The following PCDH7 variants were observed in gnomAD, a reference collection of about 807,000 sequenced individuals.
PCDH7 encodes the protein protocadherin-7.
In PCDH7, 17 loss-of-function variants were observed where a neutral mutation model predicts 58.9. That is an observed-to-expected ratio of 0.29 (90% confidence interval 0.20 to 0.43). The LOEUF (loss-of-function observed/expected upper bound fraction) is 0.43, where lower values mean the gene tolerates loss of function less well. Ranked by LOEUF, PCDH7 falls within the 20% of genes least tolerant of loss-of-function variation. The pLI, the probability that PCDH7 is intolerant of heterozygous loss-of-function variation, is 1.00. For missense variants in PCDH7, 1,274 were observed against 1,441.0 expected (o/e 0.88, Z 1.88); for synonymous variants, 664 against 616.4 (o/e 1.08, Z -1.14).
At chr4:30,934,600 A>T (rs1745098769) in intron 2 of PCDH7, among the ~76,000 whole-genome samples, 1 of 151,982 alleles carries the variant, frequency 6.6e-6, no homozygotes, top group South Asian at 2.1e-4. Context: ...TCACCATCTC[A>T]TGCACAGTTT....
chr4:30,982,930 T>G (rs1205441440), intron 3 of PCDH7, among the ~76,000 whole-genome samples: 1 of 152,198 alleles, frequency 6.6e-6, no homozygotes, highest in African/African-American at 2.4e-5. Flanking sequence ...AGAAAAATAT[T>G]TCATTGTTTT....
intron 3 of PCDH7, among the ~76,000 whole-genome samples, chr4:31,055,943 A>C (rs13147117): frequency 6.0e-4 from 91 of 152,200 alleles, no homozygotes; most frequent in Non-Finnish European, 1.6e-4. Flanking sequence ...CATCTTTGTC[A>C]AAGAGGAAAT....
Position 30,907,232 on chromosome 4 carries a change from G to A in PCDH7, c.71-12921G>A, listed in dbSNP as rs139023887. On this transcript the variant is annotated intron_variant, in intron 1 of 3. Transcript: ENST00000509759. ...GGAGTTAAAGAAATGGGCTTCCTTG[G>A]CAACAAAAGCCAAAATAGACAAATG... is the stretch of plus-strand genomic sequence containing the variant. Among the ~76,000 whole-genome samples the A allele has an allele frequency of 2.6e-5, 4 of 152,124 alleles. No homozygotes were observed. The East Asian group carries it at 7.7e-4, about 29-fold the overall frequency.
At chr4:30,971,648 A>T (rs1036610801) in intron 3 of PCDH7, among the ~76,000 whole-genome samples, 6 of 152,206 alleles carry the variant, frequency 3.9e-5, no homozygotes, top group African/African-American at 1.4e-4. Flanking sequence ...TTTGACAAGG[A>T]TGCACAGTAA....
At chr4:31,042,068 G>C (rs1015227158) in intron 3 of PCDH7, among the ~76,000 whole-genome samples, 1 of 152,294 alleles carries the variant, frequency 6.6e-6, no homozygotes, top group East Asian at 1.9e-4. Context: ...AAAGTATGCA[G>C]TGAGTTAGGG....
At chr4:30,954,521 T>G in intron 3 of PCDH7, among the ~76,000 whole-genome samples, 1 of 152,286 alleles carries the variant, frequency 6.6e-6, no homozygotes, top group East Asian at 1.9e-4. Context: ...GGTATTAGAT[T>G]ATCTATAAGA....
At chr4:30,763,030 G>T (rs1478217572) in intron 1 of PCDH7, among the ~76,000 whole-genome samples, 2 of 152,116 alleles carry the variant, frequency 1.3e-5, no homozygotes, top group African/African-American at 4.8e-5. Flanking sequence ...ATCACCTGAG[G>T]CCAGGAGTTC....
intron 3 of PCDH7, among the ~76,000 whole-genome samples, chr4:30,969,146 G>A (rs896297877): frequency 8.5e-5 from 13 of 152,176 alleles, no homozygotes; most frequent in African/African-American, 3.1e-4. Flanking sequence ...GCAGAACCTA[G>A]ACTTACTGGT....
chr4:30,966,623 T>A (rs1187048583), intron 3 of PCDH7, among the ~76,000 whole-genome samples: 2 of 152,084 alleles, frequency 1.3e-5, no homozygotes, highest in Non-Finnish European at 2.9e-5. Context: ...TAAGCAGGGA[T>A]GTGTTTAGTT....
At chr4:30,866,931 C>G (rs1734958348) in intron 1 of PCDH7, among the ~76,000 whole-genome samples, 1 of 152,028 alleles carries the variant, frequency 6.6e-6, no homozygotes, top group African/African-American at 2.4e-5. Flanking sequence ...GGTTTCCCCC[C>G]AGAACACAGA....
intron 3 of PCDH7, among the ~76,000 whole-genome samples, chr4:31,038,293 G>A (rs893923533): frequency 3.9e-5 from 6 of 152,058 alleles, no homozygotes; most frequent in African/African-American, 1.4e-4. Context: ...TGTTCTGTAT[G>A]TTTAGTTCCT....
At chr4:30,918,507 A>T (rs150038737) in intron 1 of PCDH7, among the ~76,000 whole-genome samples, 8 of 152,284 alleles carry the variant, frequency 5.3e-5, no homozygotes, top group African/African-American at 1.9e-4. Context: ...TATGAGAATC[A>T]TTAGTGAAAT....
At chr4:31,090,527 G>A (rs998910754) in intron 3 of PCDH7, among the ~76,000 whole-genome samples, 2 of 151,936 alleles carry the variant, frequency 1.3e-5, no homozygotes, top group South Asian at 2.1e-4. Flanking sequence ...TCTAACCATT[G>A]AAAAAGGAAT....
intron 3 of PCDH7, among the ~76,000 whole-genome samples, chr4:31,012,597 A>G (rs1319282869): frequency 6.6e-6 from 1 of 150,712 alleles, no homozygotes; most frequent in African/African-American, 2.4e-5. Flanking sequence ...AGATCTCTCT[A>G]TAGAAGAAAA....
intron 1 of PCDH7, among the ~76,000 whole-genome samples, chr4:30,813,892 G>A (rs938709096): frequency 1.3e-5 from 2 of 152,060 alleles, no homozygotes; most frequent in East Asian, 1.9e-4. Context: ...TGCCAGCCTC[G>A]GCCTCCCAAA....
chr4:31,045,310 G>C (rs1756191771), intron 3 of PCDH7, among the ~76,000 whole-genome samples: 1 of 151,252 alleles, frequency 6.6e-6, no homozygotes, highest in South Asian at 2.1e-4. Context: ...TTTGTATTTC[G>C]ATTGCAAACC....
At chr4:31,097,520 G>GAAAGAAGA (rs140575023) in intron 3 of PCDH7, among the ~76,000 whole-genome samples, 35,665 of 123,054 alleles carry the variant, frequency 0.29, 6,147 homozygotes, top group African/African-American at 0.4. Flanking sequence ...GAGAAAGAAA[G>GAAAGAAGA]AAGAAAGAAA....
Position 30,721,272 on chromosome 4 carries a change from C to T in PCDH7, c.-151C>T, listed in dbSNP as rs1713462550. 5.7e-6 allele frequency: 4 copies of T among 700,630 alleles called. No individual in the cohort carries two copies. The highest frequency in any genetic ancestry group is 9.0e-6 in the Non-Finnish European group (4 of 445,938). 43.4% of individuals were successfully genotyped at this position (700,630 alleles called of 1,614,324 possible). A position where few individuals can be genotyped will look rare whatever the true frequency, so the allele number is the denominator to read the frequency against. ...CCCCATTCCCGGCCAACTCTCCACG[C>T]CGCTTTTGCCCCCTCCCTCCCCTCC... On this transcript the variant is annotated 5_prime_UTR_variant, in exon 1 of 2. Transcript: ENST00000361762. The surrounding 1 kb of genome is among the most constrained non-coding windows in gnomAD (Gnocchi z 6.7).
intron 3 of PCDH7, among the ~76,000 whole-genome samples, chr4:30,975,631 T>C (rs776721805): frequency 1.1e-4 from 17 of 152,238 alleles, no homozygotes; most frequent in Non-Finnish European, 2.1e-4. Flanking sequence ...TTCACTCATC[T>C]ATTCCTTCAT....
Sources: gnomAD v4.1 joint callset for allele counts (sites outside exome capture counted in the v4.1 genomes callset) on GRCh38, gnomAD v4.1.1 for gene constraint, Gnocchi (gnomAD v3.1) non-coding constraint, MANE v1.5 for transcripts, NCBI Gene and HGNC (gene_info 2026-07-23, HGNC 2026-07-21) for gene names.